Variants in RNF217 observed in about 807,000 individuals in gnomAD.
RNF217 encodes the protein E3 ubiquitin-protein ligase RNF217.
A neutral mutation model predicts 57.8 loss-of-function variants in RNF217; 31 were observed. The ratio of observed to expected loss-of-function variants is 0.54; its 90% CI spans 0.40 to 0.72. The LOEUF (loss-of-function observed/expected upper bound fraction) is 0.72, where lower values mean the gene tolerates loss of function less well. Among genes scored for constraint, RNF217 ranks in the 30% least tolerant of loss-of-function variants. The pLI, the probability that RNF217 is intolerant of heterozygous loss-of-function variation, is 0.00. For synonymous variants in RNF217, 313 were observed against 294.0 expected (o/e 1.06, Z -0.66); for missense variants, 696 against 708.3 (o/e 0.98, Z 0.20).
chr6:125,049,047 G>A (rs934569422), intron 2 of RNF217, among the ~76,000 whole-genome samples: 72 of 152,074 alleles, frequency 4.7e-4, no homozygotes, highest in Middle Eastern at 3.4e-3. Flanking sequence ...TGCCAGAAAG[G>A]CTTACCGTTC....
intron 1 of RNF217, chr6:124,983,512 A>C: frequency 1.0e-6 from 1 of 982,904 alleles, no homozygotes; most frequent in Non-Finnish European, 1.2e-6. Flanking sequence ...TACAGGTTAT[A>C]TAATTAAAGG....
intron 1 of RNF217, among the ~76,000 whole-genome samples, chr6:124,985,683 A>G (rs1239471331): frequency 6.6e-6 from 1 of 152,176 alleles, no homozygotes; most frequent in Non-Finnish European, 1.5e-5. Context: ...GCCACAATAT[A>G]TTGTTCAGAG....
chr6:125,000,501 A>G (rs1784933542), intron 1 of RNF217, among the ~76,000 whole-genome samples: 1 of 152,010 alleles, frequency 6.6e-6, no homozygotes, highest in Admixed American at 6.6e-5. Context: ...AATATTCTAT[A>G]AAGAAAAAAT....
At chr6:125,030,175 A>G (rs1251710701) in intron 1 of RNF217, among the ~76,000 whole-genome samples, 1 of 152,174 alleles carries the variant, frequency 6.6e-6, no homozygotes, top group Non-Finnish European at 1.5e-5. Context: ...TCCATGATTT[A>G]GTTACCTCCC....
rs1342027993 is a variant in RNF217 at position 125,061,774 on chromosome 6, T to G, written c.1281+3668T>G. Among the ~76,000 whole-genome samples, 3 of 151,994 alleles carry G rather than the reference T, an allele frequency of 2.0e-5. No individual in the cohort carries two copies. In the South Asian group the frequency reaches 6.2e-4, roughly 31 times the overall value. On this transcript the variant is annotated intron_variant, in intron 3 of 5. Transcript: ENST00000521654. Reference sequence around the variant, plus strand: ...CATATTTTTATATATTTACATATCTTTGTATATCTTTTGTAAATATGTTGC... The same window carrying G: ...CATATTTTTATATATTTACATATCTGTGTATATCTTTTGTAAATATGTTGC...
In RNF217 at chr6:125,073,474, A is replaced by G. The variant is rs1179482559; in HGVS notation, c.1282-3183A>G. On this transcript the variant is annotated intron_variant, in intron 3 of 5. Coordinates refer to ENST00000521654, the MANE Select transcript of RNF217 (RefSeq NM_001286398.3). ...TAAAGAAGGATTCTCAAATTAAACAATCTACAGGCCTTGCAAAACCTGGAT... is the reference window on the plus strand; with the variant it reads ...TAAAGAAGGATTCTCAAATTAAACAGTCTACAGGCCTTGCAAAACCTGGAT... 1.3e-5 allele frequency among the ~76,000 whole-genome samples: 2 copies of G among 152,220 alleles called. 1 individual carries two copies. Among genetic ancestry groups the G allele is most frequent in the Non-Finnish European group, 2.9e-5 (2 of 68,042 alleles).
intron 3 of RNF217, among the ~76,000 whole-genome samples, chr6:125,076,269 T>C (rs552642147): frequency 1.3e-5 from 2 of 152,214 alleles, no homozygotes; most frequent in African/African-American, 4.8e-5. Flanking sequence ...TTATCTCTGC[T>C]TATTCCCCCA....
chr6:125,075,154 AT>A (rs1026263866), intron 3 of RNF217, among the ~76,000 whole-genome samples: 1 of 151,988 alleles, frequency 6.6e-6, no homozygotes, highest in Non-Finnish European at 1.5e-5. Flanking sequence ...GGTTTTTGCA[AT>A]TTTTTTTAGC....
In RNF217 at chr6:125,086,687, G is replaced by A. The variant is rs1788780439; in HGVS notation, c.*3750G>A. ...AACCTTTTGGTACAAGCAACATCTT[G>A]TTGCCACCACCTTGATTTTCTCATA... On this transcript the variant is annotated 3_prime_UTR_variant, in exon 6 of 6. Coordinates refer to ENST00000521654, the MANE Select transcript of RNF217 (RefSeq NM_001286398.3). 1 of 152,046 alleles carries A rather than the reference G, an allele frequency of 6.6e-6. No individual in the cohort carries two copies. The highest frequency in any genetic ancestry group is 1.5e-5 in the Non-Finnish European group (1 of 67,974). 9.4% of individuals were successfully genotyped at this position (152,046 alleles called of 1,614,324 possible). A position where few individuals can be genotyped will look rare whatever the true frequency, so the allele number is the denominator to read the frequency against.
At chr6:124,983,238 A>G in intron 1 of RNF217, 1 of 308,936 alleles carries the variant, frequency 3.2e-6, no homozygotes, top group Non-Finnish European at 4.7e-6. Context: ...CCATTACCCA[A>G]AAAGGTTTAG....
chr6:125,000,599 C>T (rs193269407), intron 1 of RNF217, among the ~76,000 whole-genome samples: 9 of 151,992 alleles, frequency 5.9e-5, no homozygotes, highest in African/African-American at 2.2e-4. Flanking sequence ...TCACATTAAT[C>T]AGGTATTCTA....
In RNF217 at chr6:125,091,691, A is replaced by C. The variant is rs1788956815; in HGVS notation, c.*8754A>C. The C allele has an allele frequency of 6.6e-6, 1 of 152,194 alleles. No homozygotes were observed. The highest frequency in any genetic ancestry group is 1.5e-5 in the Non-Finnish European group (1 of 68,018). The allele number at this position is 152,194 out of a possible 1,614,324, so 9.4% of individuals were successfully genotyped here. A position where few individuals can be genotyped will look rare whatever the true frequency, so the allele number is the denominator to read the frequency against. ...ATTAGGACAAAATTACTTTACAAAA[A>C]GCATTAAAAATAAAAGTAACTGTAT... On this transcript the variant is annotated 3_prime_UTR_variant, in exon 6 of 6. Transcript: ENST00000521654.
chr6:125,076,512 T>C, intron 3 of RNF217, 145 bp from the exon 4 acceptor site: 1 of 621,206 alleles, frequency 1.6e-6, no homozygotes, highest in Non-Finnish European at 2.9e-6. Flanking sequence ...AGGGTATGAT[T>C]ATAAGCAAAT....
chr6:125,076,836 A>G lies in RNF217; in HGVS notation c.1461A>G (p.Arg487=). 6.2e-7 allele frequency: 1 copy of G among 1,613,426 alleles called. No individual in the cohort carries two copies. Among genetic ancestry groups the G allele is most frequent in the Non-Finnish European group, 8.5e-7 (1 of 1,179,620 alleles). Residue 487 remains arginine, a synonymous_variant, in exon 4 of 6, where the codon AGA becomes AGG. Coordinates refer to ENST00000521654, the MANE Select transcript of RNF217 (RefSeq NM_001286398.3). ...TCCCAGAGAGACCTCATTTAAGGAG[A>G]TTAGTGCGAGGGTCAGTCTGTGGTG... ...RYLPERPHLR[R]LVRGSVCAGK...
intron 3 of RNF217, among the ~76,000 whole-genome samples, chr6:125,072,197 C>T (rs1326664039): frequency 1.3e-5 from 2 of 152,090 alleles, no homozygotes; most frequent in African/African-American, 4.8e-5. Context: ...TCTCCTGTTG[C>T]AGATTGCATT....
chr6:124,981,531 G>C (rs1784161056), intron 1 of RNF217, among the ~76,000 whole-genome samples: 1 of 152,144 alleles, frequency 6.6e-6, no homozygotes, highest in African/African-American at 2.4e-5. Flanking sequence ...TTGAGTCCTT[G>C]ATCAGCCATT....
At chr6:125,017,129 G>A (rs1163340533) in intron 1 of RNF217, among the ~76,000 whole-genome samples, 1 of 151,924 alleles carries the variant, frequency 6.6e-6, no homozygotes, top group Admixed American at 6.6e-5. Flanking sequence ...AAAAGACATG[G>A]TCATATGAAA....
intron 1 of RNF217, among the ~76,000 whole-genome samples, chr6:125,043,851 A>G (rs1582745905): frequency 1.3e-5 from 2 of 152,092 alleles, no homozygotes; most frequent in South Asian, 2.1e-4. Context: ...GCATAAAATT[A>G]TGCAACAATT....
At position 125,006,736 on chromosome 6, in the gene RNF217, G is replaced by A. The variant is rs370252625; in HGVS notation, c.883-38475G>A. Among the ~76,000 whole-genome samples the A allele has an allele frequency of 2.0e-5, 3 of 152,214 alleles. No homozygotes were observed. In the East Asian group the frequency reaches 5.8e-4, roughly 29 times the overall value. ...GGCCAAGGTGGGCGGATCACCTGAG[G>A]TCAGGAGTTCAAGACCAGCCTGGCC... On this transcript the variant is annotated intron_variant, in intron 1 of 5. Transcript: ENST00000521654.
Sources: allele counts gnomAD v4.1 joint callset (sites outside exome capture counted in the v4.1 genomes callset), GRCh38; gene constraint gnomAD v4.1.1; transcripts MANE v1.5; gene names NCBI Gene and HGNC (gene_info 2026-07-23, HGNC 2026-07-21).